Variants in PISD observed in about 807,000 individuals in gnomAD.
The protein encoded by PISD is phosphatidylserine decarboxylase proenzyme, mitochondrial.
Under a neutral mutation model 43.5 loss-of-function variants are expected in PISD, and 31 were observed. The observed-to-expected ratio is 0.71, with a 90% CI of 0.54 to 0.96. The LOEUF (loss-of-function observed/expected upper bound fraction) is 0.96, where lower values mean the gene tolerates loss of function less well. PISD is among the 40% of genes least tolerant of loss of function. The probability of loss-of-function intolerance (pLI) is 0.00; values close to 1 mark genes in which losing one functional copy is unlikely to be tolerated. For missense variants in PISD, 523 were observed against 548.4 expected, an observed-to-expected ratio of 0.95 and a Z score of 0.46; for synonymous variants, 259 against 228.7, an observed-to-expected ratio of 1.13 and a Z score of -1.20.
chr22:31,638,189 C>G lies in PISD; in HGVS notation c.321+9912G>C, dbSNP rs553496197. Reference sequence around the variant, plus strand: ...GCCCCAGGATGAAACCAGCCCTCCCCCAAGACCTAGATCCACGGGGCAGAG... The same window carrying G: ...GCCCCAGGATGAAACCAGCCCTCCCGCAAGACCTAGATCCACGGGGCAGAG... On this transcript the variant is annotated intron_variant, in intron 3 of 7. Coordinates refer to ENST00000439502, the MANE Select transcript of PISD (RefSeq NM_001326411.2). Among the ~76,000 whole-genome samples, 23 of 152,316 alleles carry G rather than the reference C, an allele frequency of 1.5e-4. No homozygotes were observed. In the East Asian group the frequency reaches 2.7e-3, roughly 18 times the overall value.
intron 1 of PISD, among the ~76,000 whole-genome samples, chr22:31,658,608 G>A (rs139025695): frequency 0.011 from 1,644 of 152,154 alleles, 27 homozygotes; most frequent in African/African-American, 0.036. Flanking sequence ...GGAATGCAGT[G>A]GTGAAATCAC....
intron 3 of PISD, chr22:31,629,995 T>G (rs1603401813): frequency 6.6e-6 from 1 of 152,040 alleles, no homozygotes; most frequent in African/African-American, 2.4e-5. Context: ...GGGGCGAGGG[T>G]GGGGGCAAGG....
intron 3 of PISD, chr22:31,625,666 C>A (rs907240922): frequency 6.8e-7 from 1 of 1,468,820 alleles, no homozygotes; most frequent in East Asian, 2.5e-5. Context: ...GTCCCCTTGC[C>A]GCCACCTCTA....
rs1162957260 is a variant in PISD at position 31,641,762 on chromosome 22, G to A, written c.321+6339C>T. ...TTGAACCCGGGAGGCGCAGGTTGCA[G>A]TGAGCTGAGATCGCGCCACTGCACT... On this transcript the variant is annotated intron_variant, in intron 3 of 7. Coordinates refer to ENST00000439502, the MANE Select transcript of PISD (RefSeq NM_001326411.2). Among the ~76,000 whole-genome samples the A allele has an allele frequency of 3.3e-5, 5 of 151,220 alleles. 1 individual carries two copies. Among genetic ancestry groups the A allele is most frequent in the African/African-American group, 7.4e-5 (3 of 40,506 alleles).
intron 3 of PISD, among the ~76,000 whole-genome samples, chr22:31,646,790 G>A (rs1439810896): frequency 6.6e-6 from 1 of 152,116 alleles, no homozygotes; most frequent in Non-Finnish European, 1.5e-5. Context: ...AGGGAACAGA[G>A]GGCAGCATAC....
intron 3 of PISD, chr22:31,632,273 T>C (rs1459771306): frequency 5.1e-6 from 5 of 983,946 alleles, no homozygotes; most frequent in East Asian, 2.3e-4. Context: ...CCTCCATGGA[T>C]TTCCATGTTC....
intron 1 of PISD, among the ~76,000 whole-genome samples, chr22:31,658,295 C>G (rs1320795940): frequency 1.3e-5 from 2 of 152,228 alleles, no homozygotes; most frequent in Non-Finnish European, 2.9e-5. Context: ...GCTGCCACTT[C>G]TTAGCAGCTG....
At chr22:31,623,611 A>C in intron 3 of PISD, 1 of 1,409,094 alleles carries the variant, frequency 7.1e-7, no homozygotes, top group Non-Finnish European at 9.6e-7. Flanking sequence ...CCACCACCTC[A>C]GTCTCTCCTG....
rs7364312 is a variant in PISD, at chr22:31,625,743, C to A, written c.322-3858G>T. On this transcript the variant is annotated intron_variant, in intron 3 of 7. Transcript: ENST00000439502. ...GTGGCGGGGAACCGTGGGGTTAGGG[C>A]GCGGTGGGCAGCATCTCACCATTTC... 3.2e-3 allele frequency: 5,047 copies of A among 1,569,560 alleles called. 122 individuals are homozygous for A. In the African/African-American group the frequency reaches 0.053, roughly 17 times the overall value.
At chr22:31,643,680 T>G (rs758856653) in intron 3 of PISD, among the ~76,000 whole-genome samples, 1 of 151,742 alleles carries the variant, frequency 6.6e-6, no homozygotes, top group Non-Finnish European at 1.5e-5. Context: ...GAGGCCAAGG[T>G]GGGTGAATCA....
chr22:31,623,631 C>G (rs1447572099), intron 3 of PISD: 12 of 1,548,220 alleles, frequency 7.8e-6, no homozygotes, highest in South Asian at 1.2e-5. Context: ...GCACCCCAAC[C>G]TCAGGCCTGC....
intron 3 of PISD, among the ~76,000 whole-genome samples, chr22:31,636,120 G>T (rs1009742526): frequency 6.6e-6 from 1 of 152,222 alleles, no homozygotes; most frequent in Admixed American, 6.5e-5. Context: ...GCCAGGACGC[G>T]TGCTGAGCAC....
chr22:31,630,149 C>T lies in PISD; in HGVS notation c.322-8264G>A, dbSNP rs988272845. ...TAGGAGACGGGGAAAATGGTCCTCC[C>T]TGGGCGACATGGACCAGAGTCAGTG... On this transcript the variant is annotated intron_variant, in intron 3 of 7. Transcript: ENST00000439502. The surrounding 1 kb of genome is among the most constrained non-coding windows in gnomAD (Gnocchi z 4.4). 1 of 152,242 alleles carries T rather than the reference C, an allele frequency of 6.6e-6. No homozygotes were observed. The allele number at this position is 152,242 out of a possible 1,614,324, so 9.4% of individuals were successfully genotyped here.
intron 3 of PISD, among the ~76,000 whole-genome samples, chr22:31,635,573 G>A (rs532242080): frequency 3.3e-5 from 5 of 152,214 alleles, no homozygotes; most frequent in East Asian, 1.9e-4. Context: ...CTGGGATTAC[G>A]GGCGTCAGCC....
chr22:31,643,081 A>C (rs1391204993), intron 3 of PISD, among the ~76,000 whole-genome samples: 1 of 150,510 alleles, frequency 6.6e-6, no homozygotes, highest in East Asian at 1.9e-4. Flanking sequence ...CAGCCTGGGC[A>C]ACAAGAGCAA....
rs1569480295 is a variant in PISD, at chr22:31,620,652, GT to G, written c.905del (p.Asn302ThrfsTer6). ...ARWIKELFCHNERVVLTGDWK... is the reference protein window; with the variant it reads ...ARWIKELFCHXERVVLTGDWK... ...AGTCCCCCGTCAGGACCACCCGCTCGTTATGGCAGAAGAGCTCTTTGATCCA... is the reference window on the plus strand; with the variant it reads ...AGTCCCCCGTCAGGACCACCCGCTCGTATGGCAGAAGAGCTCTTTGATCCA... On this transcript the variant is annotated frameshift_variant, in exon 7 of 8. Coordinates refer to ENST00000439502, the MANE Select transcript of PISD (RefSeq NM_001326411.2). LOFTEE classifies it high-confidence loss of function. 3 of 1,614,084 alleles carry G rather than the reference GT, an allele frequency of 1.9e-6. No homozygotes were observed. Among genetic ancestry groups the G allele is most frequent in the Non-Finnish European group, 2.5e-6 (3 of 1,180,020 alleles).
chr22:31,661,941 A>C (rs901309598), intron 1 of PISD, among the ~76,000 whole-genome samples: 1 of 152,124 alleles, frequency 6.6e-6, no homozygotes, highest in Non-Finnish European at 1.5e-5. Context: ...GCAAAGCGCG[A>C]GCTTCTAGGC....
chr22:31,621,724 G>A lies in PISD; in HGVS notation c.483C>T (p.His161=). The change falls in exon 4 of 8, where the codon CAC becomes CAT. Residue 161 remains histidine, a synonymous_variant. Coordinates refer to ENST00000439502, the MANE Select transcript of PISD (RefSeq NM_001326411.2). ...MKEAAVEDLH[H]YRNLSEFFRR... ...GGAAGAACTCGCTGAGGTTGCGGTAGTGATGCAGGTCCTCCACAGCGGCCT... is the reference window on the plus strand; with the variant it reads ...GGAAGAACTCGCTGAGGTTGCGGTAATGATGCAGGTCCTCCACAGCGGCCT... 1.2e-6 allele frequency: 2 copies of A among 1,614,150 alleles called. No individual in the cohort carries two copies. The highest frequency in any genetic ancestry group is 1.7e-6 in the Non-Finnish European group (2 of 1,180,044).
At chr22:31,639,814 G>C (rs1246836598) in intron 3 of PISD, among the ~76,000 whole-genome samples, 1 of 152,138 alleles carries the variant, frequency 6.6e-6, no homozygotes, top group Non-Finnish European at 1.5e-5. Flanking sequence ...CCGCGGCTCT[G>C]AGCACAGGCC....
Sources: gnomAD v4.1 joint callset for allele counts (sites outside exome capture counted in the v4.1 genomes callset) on GRCh38, gnomAD v4.1.1 for gene constraint, Gnocchi (gnomAD v3.1) non-coding constraint, MANE v1.5 for transcripts, NCBI Gene and HGNC (gene_info 2026-07-23, HGNC 2026-07-21) for gene names.